Variants in CPE observed in about 807,000 individuals in gnomAD.
The protein encoded by CPE is carboxypeptidase E, also known as carbocypeptidase E.
CPE carries 17 observed loss-of-function variants against 53.5 expected under a neutral mutation model. The ratio of observed to expected loss-of-function variants is 0.32; its 90% confidence interval spans 0.22 to 0.48. CPE has a LOEUF of 0.48. CPE is among the 20% of genes least tolerant of loss of function. The pLI is 0.99. For synonymous variants in CPE, 226 were observed against 228.8 expected, an observed-to-expected ratio of 0.99 and a Z score of 0.11; for missense variants, 524 against 614.7, an observed-to-expected ratio of 0.85 and a Z score of 1.56.
At chr4:165,424,467 ACT>A (rs1382311893) in intron 1 of CPE, among the ~76,000 whole-genome samples, 4 of 151,502 alleles carry the variant, frequency 2.6e-5, no homozygotes, top group Non-Finnish European at 5.9e-5. Flanking sequence ...ATTTTTTATT[ACT>A]GTTTGCTTTC....
rs890713015 is a variant in CPE at position 165,405,575 on chromosome 4, A to G, written c.307+26047A>G. The G allele has an allele frequency of 4.8e-6, 4 of 837,456 alleles. No individual in the cohort carries two copies. The African/African-American group carries it at 6.7e-5, about 14-fold the overall frequency. 51.9% of individuals were successfully genotyped at this position (837,456 alleles called of 1,614,324 possible). A position where few individuals can be genotyped will look rare whatever the true frequency, so the allele number is the denominator to read the frequency against. On this transcript the variant is annotated intron_variant, in intron 1 of 8. Coordinates refer to ENST00000402744, the MANE Select transcript of CPE (RefSeq NM_001873.4). Reference sequence around the variant, plus strand: ...CATGGCATACGCTGTTAATTTTTCCACTAATCCCTTGTCTCTCTTTGGAGA... The same window carrying G: ...CATGGCATACGCTGTTAATTTTTCCGCTAATCCCTTGTCTCTCTTTGGAGA...
chr4:165,488,507 G>C (rs1365735478), intron 6 of CPE, among the ~76,000 whole-genome samples: 1 of 152,142 alleles, frequency 6.6e-6, no homozygotes, highest in Non-Finnish European at 1.5e-5. Context: ...AGTGGCAGTG[G>C]AAAGACCTAA....
intron 7 of CPE, among the ~76,000 whole-genome samples, chr4:165,494,320 A>G (rs550843418): frequency 6.6e-6 from 1 of 152,362 alleles, no homozygotes; most frequent in East Asian, 1.9e-4. Flanking sequence ...TGAAATGTTT[A>G]GGAAAATCTA....
intron 6 of CPE, among the ~76,000 whole-genome samples, chr4:165,490,413 C>G (rs1232236929): frequency 6.6e-6 from 1 of 151,918 alleles, no homozygotes; most frequent in African/African-American, 2.4e-5. Context: ...GCAGGCAGAT[C>G]ATGAGGTCAG....
intron 1 of CPE, among the ~76,000 whole-genome samples, chr4:165,432,373 G>A (rs1271573745): frequency 1.3e-5 from 2 of 152,100 alleles, no homozygotes; most frequent in Non-Finnish European, 1.5e-5. Flanking sequence ...TCAGCTCACC[G>A]TAGCCTCCAC....
intron 2 of CPE, among the ~76,000 whole-genome samples, chr4:165,466,812 G>A (rs1732113540): frequency 6.6e-6 from 1 of 151,998 alleles, no homozygotes; most frequent in African/African-American, 2.4e-5. Context: ...CACTGCACCT[G>A]GCCACCTTAC....
chr4:165,418,439 T>C (rs903080261), intron 1 of CPE, among the ~76,000 whole-genome samples: 1 of 152,202 alleles, frequency 6.6e-6, no homozygotes, highest in African/African-American at 2.4e-5. Flanking sequence ...AAATTATCCA[T>C]CTGTAGTTTG....
intron 1 of CPE, among the ~76,000 whole-genome samples, chr4:165,451,911 G>A (rs1322490514): frequency 1.3e-5 from 2 of 151,448 alleles, no homozygotes; most frequent in African/African-American, 2.4e-5. Flanking sequence ...CCTAAGCCAC[G>A]TACCGCCCCC....
chr4:165,458,549 C>T (rs768961770), intron 1 of CPE, among the ~76,000 whole-genome samples: 1 of 152,190 alleles, frequency 6.6e-6, no homozygotes, highest in African/African-American at 2.4e-5. Flanking sequence ...AATTCTGTTA[C>T]TATAATCAAG....
intron 1 of CPE, among the ~76,000 whole-genome samples, chr4:165,435,677 T>C (rs1268363053): frequency 6.6e-6 from 1 of 151,910 alleles, no homozygotes; most frequent in Non-Finnish European, 1.5e-5. Context: ...AATTTGAACA[T>C]GTTTTGTTTA....
intron 1 of CPE, among the ~76,000 whole-genome samples, chr4:165,390,616 T>G (rs9631753): frequency 0.25 from 37,643 of 152,102 alleles, 4,893 homozygotes; most frequent in East Asian, 0.41. Flanking sequence ...TACTTAGAAT[T>G]GTCTCCCCAT....
At position 165,493,182 on chromosome 4, in the gene CPE, A is replaced by T. The variant is rs1468716669; in HGVS notation, c.1125A>T (p.Gly375=). ...TTTGACCTTCACAGATACACCGAGG[A>T]GTTAAAGGATTTGTCCGAGACCTTC... ...LISYLEQIHR[G]VKGFVRDLQG... The change falls in exon 7 of 9, where the codon GGA becomes GGT. Residue 375 remains glycine (G), a synonymous_variant. Transcript: ENST00000402744. 2 of 1,613,260 alleles carry T rather than the reference A, an allele frequency of 1.2e-6. No homozygotes were observed. Among genetic ancestry groups the T allele is most frequent in the African/African-American group, 1.3e-5 (1 of 74,866 alleles).
At chr4:165,474,904 C>A (rs1417880348) in intron 3 of CPE, among the ~76,000 whole-genome samples, 1 of 152,112 alleles carries the variant, frequency 6.6e-6, no homozygotes, top group East Asian at 1.9e-4. Context: ...GATGAGAAGC[C>A]TGTTTTTCAG....
intron 3 of CPE, among the ~76,000 whole-genome samples, chr4:165,468,296 A>G (rs1479579578): frequency 1.3e-5 from 2 of 152,104 alleles, no homozygotes; most frequent in Non-Finnish European, 2.9e-5. Context: ...CTACCTGGGC[A>G]TAAATGCTGG....
At chr4:165,384,356 C>T (rs1730553039) in intron 1 of CPE, among the ~76,000 whole-genome samples, 3 of 152,314 alleles carry the variant, frequency 2.0e-5, no homozygotes, top group Middle Eastern at 3.4e-3. Context: ...GGGATTTCCT[C>T]CTCTCCCGCT....
intron 1 of CPE, among the ~76,000 whole-genome samples, chr4:165,454,894 A>AG (rs1381441623): frequency 1.3e-5 from 2 of 152,220 alleles, no homozygotes; most frequent in African/African-American, 4.8e-5. Flanking sequence ...CTCTAGAATC[A>AG]GGGGATGTTT....
intron 1 of CPE, among the ~76,000 whole-genome samples, chr4:165,417,776 TA>T (rs1202386046): frequency 0.018 from 2,227 of 127,084 alleles, 40 homozygotes; most frequent in African/African-American, 0.054. Context: ...TTGTCTGTCT[TA>T]AAAAAAAAAA....
intron 4 of CPE, 136 bp downstream of exon 4, chr4:165,482,495 C>A: frequency 1.6e-6 from 1 of 635,658 alleles, no homozygotes; most frequent in Non-Finnish European, 2.8e-6. Context: ...CTATGTTTAA[C>A]AGGAAGCTCT....
chr4:165,385,315 C>T (rs549212668), intron 1 of CPE, among the ~76,000 whole-genome samples: 116 of 152,114 alleles, frequency 7.6e-4, no homozygotes, highest in Non-Finnish European at 1.5e-3. Context: ...TGCATCGTCA[C>T]GTGAGATCTG....
Sources: gnomAD v4.1 joint callset for allele counts (sites outside exome capture counted in the v4.1 genomes callset) on GRCh38, gnomAD v4.1.1 for gene constraint, MANE v1.5 for transcripts, NCBI Gene and HGNC (gene_info 2026-07-23, HGNC 2026-07-21) for gene names.